The following ERBB4 variants were observed in gnomAD, a reference collection of about 807,000 sequenced individuals.
ERBB4 encodes receptor tyrosine-protein kinase erbB-4.
In ERBB4, 42 loss-of-function variants were observed where a neutral mutation model predicts 158.0. The ratio of observed to expected loss-of-function variants is 0.27; its 90% CI spans 0.21 to 0.34. The LOEUF (loss-of-function observed/expected upper bound fraction) is 0.34. Among genes scored for constraint, ERBB4 ranks in the 10% least tolerant of loss-of-function variants. ERBB4 has a pLI of 1.00. For missense variants in ERBB4, 1,333 were observed against 1,624.1 expected, an observed-to-expected ratio of 0.82 and a Z score of 3.08; for synonymous variants, 583 against 558.7, an observed-to-expected ratio of 1.04 and a Z score of -0.61.
chr2:212,446,904 G>T lies in ERBB4; in HGVS notation c.82+91545C>A, dbSNP rs191897244. ...TCAATATATTTGAAAAGTGTCATTG[G>T]AAGTTAATAGGAGGAAATAATATGA... is the stretch of plus-strand genomic sequence containing the variant. On this transcript the variant is annotated intron_variant, in intron 1 of 27. Transcript: ENST00000342788. Among the ~76,000 whole-genome samples the T allele has an allele frequency of 9.7e-3, 1,457 of 150,656 alleles. 23 individuals carry two copies. Among genetic ancestry groups the T allele is most frequent in the African/African-American group, 0.034 (1,399 of 41,124 alleles).
In ERBB4 at chr2:212,001,099, A is replaced by G. The variant is rs2076093214; in HGVS notation, c.235-53483T>C. On this transcript the variant is annotated intron_variant, in intron 2 of 27. Transcript: ENST00000342788. ...AAATTTTGTTTTAAATATGCCCTAA[A>G]TATTGGATTATTTTTAACAGGTTTT... Among the ~76,000 whole-genome samples, 4 of 152,164 alleles carry G rather than the reference A, an allele frequency of 2.6e-5. No homozygotes were observed. In the South Asian group the frequency reaches 8.3e-4, roughly 32 times the overall value.
chr2:211,628,387 C>G (rs1476429124), intron 17 of ERBB4, among the ~76,000 whole-genome samples: 1 of 152,120 alleles, frequency 6.6e-6, no homozygotes, highest in Non-Finnish European at 1.5e-5. Context: ...TCTCATTGTT[C>G]AATTCCCACC....
At chr2:212,249,835 G>A (rs1402770) in intron 1 of ERBB4, among the ~76,000 whole-genome samples, 40,008 of 151,718 alleles carry the variant, frequency 0.26, 5,996 homozygotes, top group African/African-American at 0.39. Flanking sequence ...GAAATCAGCC[G>A]ACATTTTTTC....
intron 3 of ERBB4, among the ~76,000 whole-genome samples, chr2:211,821,050 T>G (rs2076984892): frequency 6.6e-6 from 1 of 151,750 alleles, no homozygotes; most frequent in African/African-American, 2.4e-5. Context: ...TTAGCCAGAG[T>G]AATTTAGCAA....
At chr2:211,835,845 G>A (rs2105983663) in intron 3 of ERBB4, among the ~76,000 whole-genome samples, 1 of 152,110 alleles carries the variant, frequency 6.6e-6, no homozygotes, top group East Asian at 1.9e-4. Flanking sequence ...CAATAAAGTT[G>A]CAAAACCAAG....
At chr2:211,867,024 CAAAAAAAA>C (rs386392490) in intron 3 of ERBB4, among the ~76,000 whole-genome samples, 2 of 60,624 alleles carry the variant, frequency 3.3e-5, no homozygotes, top group African/African-American at 1.4e-4. Flanking sequence ...TCCTTAAAAC[CAAAAAAAA>C]AAAAAAAAAA....
At chr2:212,185,993 T>A (rs530040131) in intron 1 of ERBB4, among the ~76,000 whole-genome samples, 1 of 152,310 alleles carries the variant, frequency 6.6e-6, no homozygotes, top group South Asian at 2.1e-4. Flanking sequence ...GTAATTTGTA[T>A]TTGATCAAAA....
intron 1 of ERBB4, among the ~76,000 whole-genome samples, chr2:212,305,959 GC>G (rs1483795117): frequency 1.3e-5 from 2 of 151,240 alleles, no homozygotes; most frequent in Non-Finnish European, 3.0e-5. Context: ...TTTATTTGAA[GC>G]CAATGATATC....
In ERBB4 at chr2:212,125,253, A is replaced by T. The variant is rs146770498; in HGVS notation, c.83-350T>A. 1.1e-3 allele frequency: 227 copies of T among 204,198 alleles called. 4 individuals are homozygous for T. In the East Asian group the frequency reaches 0.027, roughly 24 times the overall value. The allele number at this position is 204,198 out of a possible 1,614,324, so 12.6% of individuals were successfully genotyped here. On this transcript the variant is annotated intron_variant, in intron 1 of 27. Coordinates refer to ENST00000342788, the MANE Select transcript of ERBB4 (RefSeq NM_005235.3). ...GGACATATGATTTACTCTGTTTTCT[A>T]ATTGGGTAATTCTACAAATGTAAAT... is the stretch of plus-strand genomic sequence containing the variant.
At chr2:211,802,226 T>C (rs1237723019) in intron 3 of ERBB4, among the ~76,000 whole-genome samples, 1 of 150,908 alleles carries the variant, frequency 6.6e-6, no homozygotes, top group East Asian at 1.9e-4. Context: ...GCCGCTGCAG[T>C]ACGGCCTGGG....
intron 1 of ERBB4, among the ~76,000 whole-genome samples, chr2:212,171,489 T>A (rs2081517979): frequency 6.6e-6 from 1 of 152,142 alleles, no homozygotes; most frequent in East Asian, 1.9e-4. Context: ...GTGAAATATT[T>A]GGAAGGGGCA....
intron 2 of ERBB4, among the ~76,000 whole-genome samples, chr2:211,994,436 C>T (rs1037511393): frequency 1.3e-4 from 20 of 152,126 alleles, no homozygotes; most frequent in African/African-American, 2.9e-4. Flanking sequence ...CCTGGCTCAA[C>T]GTAACTATTA....
chr2:211,970,656 T>C (rs2081426716), intron 2 of ERBB4, among the ~76,000 whole-genome samples: 2 of 152,216 alleles, frequency 1.3e-5, no homozygotes, highest in Admixed American at 6.5e-5. Context: ...TTTTGATCTT[T>C]GTTGGTTTGA....
chr2:212,150,109 A>C, intron 1 of ERBB4, among the ~76,000 whole-genome samples: 1 of 152,284 alleles, frequency 6.6e-6, no homozygotes, highest in South Asian at 2.1e-4. Flanking sequence ...AGTGCCATAA[A>C]CTGGTGGCTT....
At chr2:212,360,554 A>G (rs963821746) in intron 1 of ERBB4, among the ~76,000 whole-genome samples, 1 of 151,642 alleles carries the variant, frequency 6.6e-6, no homozygotes, top group Non-Finnish European at 1.5e-5. Context: ...GCCTAATCTA[A>G]TGTTTGGCAT....
At chr2:211,773,598 TTATATA>T (rs1171015959) in intron 4 of ERBB4, among the ~76,000 whole-genome samples, 367 of 29,716 alleles carry the variant, frequency 0.012, 2 homozygotes, top group East Asian at 0.052. Context: ...TTCTGTAACT[TTATATA>T]TATATATATA....
At position 211,599,513 on chromosome 2, in the gene ERBB4, C is replaced by CTGTG. The variant is rs6147153; in HGVS notation, c.2301+19660_2301+19663dup. Reference sequence around the variant, plus strand: ...ACAGGCTCACAGAAAATAATTTCTTCTGTGTGTGTGTGTGTGTGTGTGTTT... The same window carrying CTGTG: ...ACAGGCTCACAGAAAATAATTTCTTCTGTGTGTGTGTGTGTGTGTGTGTGTGTTT... On this transcript the variant is annotated intron_variant, in intron 19 of 27. Coordinates refer to ENST00000342788, the MANE Select transcript of ERBB4 (RefSeq NM_005235.3). Among the ~76,000 whole-genome samples the CTGTG allele has an allele frequency of 8.7e-3, 1,223 of 140,896 alleles. 16 individuals carry two copies. Among genetic ancestry groups the CTGTG allele is most frequent in the African/African-American group, 0.024 (945 of 38,814 alleles). 92.4% of individuals were successfully genotyped at this position (140,896 alleles called of 152,430 possible). A position where few individuals can be genotyped will look rare whatever the true frequency, so the allele number is the denominator to read the frequency against.
intron 1 of ERBB4, among the ~76,000 whole-genome samples, chr2:212,535,022 T>C (rs1692967410): frequency 6.6e-6 from 1 of 152,096 alleles, no homozygotes; most frequent in African/African-American, 2.4e-5. Flanking sequence ...AGTGCCTTGA[T>C]TTTCAACAAA....
At chr2:212,133,551 A>G (rs2080177487) in intron 1 of ERBB4, among the ~76,000 whole-genome samples, 1 of 151,762 alleles carries the variant, frequency 6.6e-6, no homozygotes, top group South Asian at 2.1e-4. Context: ...GCAGGCATAT[A>G]GCAGATGTTC....
Sources: allele counts gnomAD v4.1 joint callset (sites outside exome capture counted in the v4.1 genomes callset), GRCh38; gene constraint gnomAD v4.1.1; transcripts MANE v1.5; gene names NCBI Gene and HGNC (gene_info 2026-07-23, HGNC 2026-07-21).